Variants in TNFSF10 observed in about 807,000 individuals in gnomAD.
TNFSF10 encodes tumor necrosis factor ligand superfamily member 10.
TNFSF10 carries 13 observed loss-of-function variants against 29.5 expected under a neutral mutation model. That is an observed-to-expected ratio of 0.44 (90% CI 0.29 to 0.70). The LOEUF (loss-of-function observed/expected upper bound fraction) is 0.70, where lower values mean the gene tolerates loss of function less well. TNFSF10 is among the 30% of genes least tolerant of loss of function. TNFSF10 has a pLI of 0.13. For missense variants in TNFSF10, 345 were observed against 330.9 expected (o/e 1.04, Z -0.33); for synonymous variants, 111 against 112.8 (o/e 0.98, Z 0.10).
chr3:172,515,074 C>T, intron 1 of TNFSF10, 76 bp from the exon 2 acceptor site: 1 of 1,584,810 alleles, frequency 6.3e-7, no homozygotes, highest in East Asian at 2.3e-5. Flanking sequence ...GTTAAGACAA[C>T]AGAAACTGAT....
intron 4 of TNFSF10, 76 bp from the exon 5 acceptor site, chr3:172,506,995 G>T: frequency 1.5e-6 from 2 of 1,323,220 alleles, no homozygotes; most frequent in Non-Finnish European, 2.0e-6. Context: ...TTGCAGCTGT[G>T]GCCAGCCTAT....
intron 1 of TNFSF10, among the ~76,000 whole-genome samples, chr3:172,522,815 C>G (rs2270417): frequency 0.22 from 32,908 of 152,066 alleles, 4,107 homozygotes; most frequent in Middle Eastern, 0.46. Flanking sequence ...TAGTCTTTTA[C>G]ATTTTTGTAT....
intron 4 of TNFSF10, among the ~76,000 whole-genome samples, chr3:172,507,702 A>G (rs3136608): frequency 6.6e-6 from 1 of 151,962 alleles, no homozygotes; most frequent in Admixed American, 6.6e-5. Context: ...GCAGAACATG[A>G]CAATCATTTA....
At chr3:172,523,105 A>T in intron 1 of TNFSF10, 148 bp downstream of exon 1, 1 of 966,420 alleles carries the variant, frequency 1.0e-6, no homozygotes, top group African/African-American at 1.6e-5. Flanking sequence ...CAAAGACCTC[A>T]GTTGTTATGT....
chr3:172,511,546 A>T (rs956270916), intron 3 of TNFSF10, 71 bp downstream of exon 3: 3 of 1,275,988 alleles, frequency 2.4e-6, no homozygotes. Context: ...GAGAAGGAGA[A>T]TGGAGAACTA....
chr3:172,507,843 G>T (rs535879373), intron 4 of TNFSF10, among the ~76,000 whole-genome samples: 2 of 152,226 alleles, frequency 1.3e-5, no homozygotes, highest in South Asian at 2.1e-4. Context: ...ACAAATTTAC[G>T]GGATAAAGCC....
intron 2 of TNFSF10, among the ~76,000 whole-genome samples, chr3:172,512,659 T>C (rs1324644125): frequency 6.6e-6 from 1 of 152,208 alleles, no homozygotes; most frequent in Admixed American, 6.5e-5. Context: ...GCATTCTCTC[T>C]TATCTCTGCC....
At chr3:172,522,652 A>T (rs2108452281) in intron 1 of TNFSF10, among the ~76,000 whole-genome samples, 1 of 152,342 alleles carries the variant, frequency 6.6e-6, no homozygotes, top group African/African-American at 2.4e-5. Flanking sequence ...AAGACATGTC[A>T]TTGCTGCTTT....
chr3:172,519,819 A>T (rs1390031854), intron 1 of TNFSF10, among the ~76,000 whole-genome samples: 12 of 152,258 alleles, frequency 7.9e-5, no homozygotes, highest in Non-Finnish European at 2.9e-5. Flanking sequence ...TCTTTTGCAC[A>T]ATTTATACTT....
intron 1 of TNFSF10, among the ~76,000 whole-genome samples, chr3:172,520,845 G>A (rs964788664): frequency 6.6e-6 from 1 of 152,140 alleles, no homozygotes; most frequent in Non-Finnish European, 1.5e-5. Context: ...TTACTGGTAT[G>A]GAAACAGATA....
At chr3:172,512,033 T>G (rs984903357) in intron 2 of TNFSF10, among the ~76,000 whole-genome samples, 1 of 152,172 alleles carries the variant, frequency 6.6e-6, no homozygotes, top group Admixed American at 6.5e-5. Flanking sequence ...GTGGGGTGTA[T>G]GTATGTGCAC....
At chr3:172,517,363 A>G (rs1560147198) in intron 1 of TNFSF10, 1 of 985,310 alleles carries the variant, frequency 1.0e-6, no homozygotes, top group Non-Finnish European at 1.2e-6. Flanking sequence ...AGGAACCTGG[A>G]AAATTGAGTA....
intron 4 of TNFSF10, 99 bp downstream of exon 4, chr3:172,509,118 C>T: frequency 1.1e-6 from 1 of 914,862 alleles, no homozygotes; most frequent in Non-Finnish European, 1.7e-6. Flanking sequence ...TTGTAGATAG[C>T]CATATAAACA....
At chr3:172,519,871 A>G (rs1234666546) in intron 1 of TNFSF10, among the ~76,000 whole-genome samples, 1 of 152,230 alleles carries the variant, frequency 6.6e-6, no homozygotes, top group East Asian at 1.9e-4. Flanking sequence ...CAGCTGGCAG[A>G]GTTGGTGCTG....
intron 1 of TNFSF10, chr3:172,517,970 G>A: frequency 1.0e-6 from 1 of 985,374 alleles, no homozygotes; most frequent in Middle Eastern, 5.2e-4. Flanking sequence ...ATGAATTTTG[G>A]TAGTTTCTCC....
chr3:172,518,068 T>C (rs149583242), intron 1 of TNFSF10: 13,536 of 1,004,350 alleles, frequency 0.013, 109 homozygotes, highest in Non-Finnish European at 0.015. Context: ...ATTAATACGA[T>C]ACGTCTCCCC....
rs1361502263 is a variant in TNFSF10 at position 172,518,590 on chromosome 3, C to G, written c.133-3592G>C. 1.5e-5 allele frequency: 11 copies of G among 736,952 alleles called. 1 individual carries two copies. Among genetic ancestry groups the G allele is most frequent in the Middle Eastern group, 2.8e-4 (1 of 3,522 alleles). 45.7% of individuals were successfully genotyped at this position (736,952 alleles called of 1,614,324 possible). A position where few individuals can be genotyped will look rare whatever the true frequency, so the allele number is the denominator to read the frequency against. On this transcript the variant is annotated intron_variant, in intron 1 of 4. Coordinates refer to ENST00000241261, the MANE Select transcript of TNFSF10 (RefSeq NM_003810.4). Reference sequence around the variant, plus strand: ...TTATCATAAAACTTTCTCAGAGGGACACAGATTTCAGGGGCTAAGCCCATA... The same window carrying G: ...TTATCATAAAACTTTCTCAGAGGGAGACAGATTTCAGGGGCTAAGCCCATA...
chr3:172,508,067 G>C (rs190538986), intron 4 of TNFSF10, among the ~76,000 whole-genome samples: 2 of 152,148 alleles, frequency 1.3e-5, no homozygotes, highest in Admixed American at 1.3e-4. Flanking sequence ...CAGAGGCCTG[G>C]TGTGGTGGCT....
In TNFSF10 at chr3:172,506,564, A is replaced by G. The variant is rs370062719; in HGVS notation, c.774T>C (p.Val258=). The change falls in exon 5 of 5, where the codon GTT becomes GTC. Residue 258 remains valine (V), a synonymous_variant. Coordinates refer to ENST00000241261, the MANE Select transcript of TNFSF10 (RefSeq NM_003810.4). ...FELKENDRIF[V]SVTNEHLIDM... ...CTATCAAGTGCTCATTTGTTACAGA[A>G]ACAAAAATTCTGTCATTTTCCTTAA... 1.2e-6 allele frequency: 2 copies of G among 1,614,014 alleles called. No individual in the cohort carries two copies. Among genetic ancestry groups the G allele is most frequent in the African/African-American group, 2.7e-5 (2 of 74,918 alleles).
Sources: gnomAD v4.1 joint callset for allele counts (sites outside exome capture counted in the v4.1 genomes callset) on GRCh38, gnomAD v4.1.1 for gene constraint, MANE v1.5 for transcripts, NCBI Gene and HGNC (gene_info 2026-07-23, HGNC 2026-07-21) for gene names.